The following ASPA variants were observed in gnomAD, a reference collection of about 807,000 sequenced individuals.
ASPA encodes the protein aspartoacylase.
Under a neutral mutation model 29.6 loss-of-function variants are expected in ASPA, and 25 were observed. The observed-to-expected ratio is 0.85, with a 90% confidence interval of 0.62 to 1.18. The LOEUF (loss-of-function observed/expected upper bound fraction) is 1.18, where lower values mean the gene tolerates loss of function less well. Ranked by LOEUF, ASPA falls within the 50% of genes most tolerant of loss-of-function variation. The probability of loss-of-function intolerance (pLI) is 0.00; values close to 1 mark genes in which losing one functional copy is unlikely to be tolerated. For missense variants in ASPA, 333 were observed against 385.7 expected, an observed-to-expected ratio of 0.86 and a Z score of 1.14; for synonymous variants, 131 against 130.3, an observed-to-expected ratio of 1.01 and a Z score of -0.04.
At chr17:3,479,922 C>T (rs2073598263) in intron 1 of ASPA, among the ~76,000 whole-genome samples, 1 of 151,976 alleles carries the variant, frequency 6.6e-6, no homozygotes, top group Non-Finnish European at 1.5e-5. Flanking sequence ...TGTATCTTAA[C>T]CATTGTGGGA....
rs1457522349 is a variant in ASPA, at chr17:3,501,942, G to A, written c.*2854G>A. ...CACTCCAGCCTGGTGGACACAGCAA[G>A]CCTCCATCTCAAAAAAAAAAAAAAA... On this transcript the variant is annotated 3_prime_UTR_variant, in exon 6 of 6. Transcript: ENST00000263080. 8.0e-6 allele frequency: 1 copy of A among 125,230 alleles called. No homozygotes were observed. The highest frequency in any genetic ancestry group is 3.2e-5 in the African/African-American group (1 of 31,664). 7.8% of individuals were successfully genotyped at this position (125,230 alleles called of 1,614,324 possible).
intron 4 of ASPA, among the ~76,000 whole-genome samples, chr17:3,491,345 T>A (rs2073820711): frequency 6.6e-6 from 1 of 152,144 alleles, no homozygotes; most frequent in African/African-American, 2.4e-5. Flanking sequence ...AAACAACACT[T>A]GAGAACTGTA....
At chr17:3,484,403 C>A (rs914366537) in intron 3 of ASPA, among the ~76,000 whole-genome samples, 5 of 152,036 alleles carry the variant, frequency 3.3e-5, no homozygotes. Context: ...GTGATAAATG[C>A]TAAATAGGGG....
chr17:3,475,979 T>C, upstream of ASPA: 1 of 617,934 alleles, frequency 1.6e-6, no homozygotes, highest in East Asian at 2.8e-5. Context: ...AAGAAGGGAG[T>C]GTCCATAAAC....
At chr17:3,486,446 C>G (rs1273254500) in intron 3 of ASPA, among the ~76,000 whole-genome samples, 2 of 152,190 alleles carry the variant, frequency 1.3e-5, no homozygotes, top group Non-Finnish European at 2.9e-5. Flanking sequence ...ACCTGCTTTG[C>G]AATAGACATT....
At chr17:3,484,369 G>A (rs2073684155) in intron 3 of ASPA, among the ~76,000 whole-genome samples, 1 of 152,186 alleles carries the variant, frequency 6.6e-6, no homozygotes, top group African/African-American at 2.4e-5. Context: ...AAACAGACAG[G>A]TAACCAGGTA....
At position 3,489,352 on chromosome 17, in the gene ASPA, A is replaced by G; in HGVS notation, c.634+10A>G. 1.3e-6 allele frequency: 2 copies of G among 1,575,380 alleles called. No individual in the cohort carries two copies. Among genetic ancestry groups the G allele is most frequent in the Non-Finnish European group, 1.7e-6 (2 of 1,145,042 alleles). On this transcript the variant is annotated intron_variant, in intron 4 of 5. Transcript: ENST00000263080. Reference sequence around the variant, plus strand: ...CATCATTTCAATGAAGGTAAGTAATAATGAAGGTAACGTTATCAAACTTAA... The same window carrying G: ...CATCATTTCAATGAAGGTAAGTAATGATGAAGGTAACGTTATCAAACTTAA...
intron 3 of ASPA, among the ~76,000 whole-genome samples, chr17:3,484,948 C>T (rs892084113): frequency 6.6e-6 from 1 of 152,158 alleles, no homozygotes; most frequent in Admixed American, 6.5e-5. Flanking sequence ...TGTATGCTTA[C>T]TAAATATTAG....
chr17:3,476,341 G>A lies in ASPA; in HGVS notation c.182G>A (p.Cys61Tyr). ...ACTAACCCCAGAGCAGTGAAGAAGT[G>A]TACCAGATATATTGACTGTGACCTG... ...FITNPRAVKK[C>Y]TRYIDCDLNR... The change falls in exon 1 of 6, where the codon TGT becomes TAT. Residue 61 changes from cysteine to tyrosine, a missense_variant. Transcript: ENST00000263080. 2 of 1,614,162 alleles carry A rather than the reference G, an allele frequency of 1.2e-6. No individual in the cohort carries two copies. The highest frequency in any genetic ancestry group is 1.7e-6 in the Non-Finnish European group (2 of 1,180,032).
Position 3,476,146 on chromosome 17 carries a change from A to C in ASPA, c.-14A>C. ...TTCTGAATTGCAGAAATCAGATAAA[A>C]ACTACTTGGTGAAATGACTTCTTGT... is the stretch of plus-strand genomic sequence containing the variant. On this transcript the variant is annotated 5_prime_UTR_variant, in exon 1 of 6. Coordinates refer to ENST00000263080, the MANE Select transcript of ASPA (RefSeq NM_000049.4). 6.2e-7 allele frequency: 1 copy of C among 1,608,894 alleles called. No individual in the cohort carries two copies. Among genetic ancestry groups the C allele is most frequent in the Non-Finnish European group, 8.5e-7 (1 of 1,175,814 alleles).
chr17:3,482,368 G>T (rs899532902), intron 2 of ASPA, among the ~76,000 whole-genome samples: 2 of 152,060 alleles, frequency 1.3e-5, no homozygotes, highest in Non-Finnish European at 2.9e-5. Flanking sequence ...TCATTTTAAG[G>T]CTCAGAAATC....
rs892723694 is a variant in ASPA, at chr17:3,482,781, AT to A, written c.433-710del. 1.1e-4 allele frequency among the ~76,000 whole-genome samples: 16 copies of A among 148,592 alleles called. 1 individual carries two copies. The highest frequency in any genetic ancestry group is 2.1e-4 in the Non-Finnish European group (14 of 67,110). ...AATGTAGCGATTCTTTTTTTTTTTA[AT>A]TTTTTTTAAATTTTATTACTATTAT... On this transcript the variant is annotated intron_variant, in intron 2 of 5. Transcript: ENST00000263080.
At chr17:3,491,877 CTT>C (rs540965896) in intron 4 of ASPA, among the ~76,000 whole-genome samples, 7 of 123,038 alleles carry the variant, frequency 5.7e-5, no homozygotes, top group Non-Finnish European at 8.1e-5. Flanking sequence ...CTTTTGTTTT[CTT>C]TTTTTTTTTT....
At chr17:3,493,833 A>G (rs1597444940) in intron 4 of ASPA, among the ~76,000 whole-genome samples, 1 of 152,204 alleles carries the variant, frequency 6.6e-6, no homozygotes, top group Admixed American at 6.5e-5. Context: ...TGGCTTTTTC[A>G]GTTCTGTTTT....
At chr17:3,495,276 G>A (rs1372358096) in intron 5 of ASPA, among the ~76,000 whole-genome samples, 1 of 152,118 alleles carries the variant, frequency 6.6e-6, no homozygotes, top group South Asian at 2.1e-4. Context: ...TTTCAACCCC[G>A]ACTAACCTTT....
At chr17:3,474,201 TTC>T (rs1328662045), upstream of ASPA, 3 of 152,224 alleles carry the variant, frequency 2.0e-5, no homozygotes, top group African/African-American at 7.2e-5. Flanking sequence ...ATTGCTGCAA[TTC>T]ATTAACTCTC....
chr17:3,489,201 A>C (rs368144957), intron 3 of ASPA, 34 bp from the exon 4 acceptor site: 2 of 1,234,116 alleles, frequency 1.6e-6, no homozygotes, highest in Admixed American at 3.4e-5. Flanking sequence ...TTTCATACTT[A>C]TATAAATGTG....
chr17:3,477,891 T>C (rs1176483116), intron 1 of ASPA, among the ~76,000 whole-genome samples: 1 of 151,868 alleles, frequency 6.6e-6, no homozygotes, highest in African/African-American at 2.4e-5. Context: ...AGCTAAGATA[T>C]AAGATACATG....
chr17:3,487,190 C>T (rs2073739621), intron 3 of ASPA, among the ~76,000 whole-genome samples: 1 of 152,006 alleles, frequency 6.6e-6, no homozygotes, highest in Non-Finnish European at 1.5e-5. Flanking sequence ...CAAAGGTGGT[C>T]CTTGTAGGTG....
Sources: allele counts gnomAD v4.1 joint callset (sites outside exome capture counted in the v4.1 genomes callset), GRCh38; gene constraint gnomAD v4.1.1; transcripts MANE v1.5; gene names NCBI Gene and HGNC (gene_info 2026-07-23, HGNC 2026-07-21).